Variants in COL4A3 observed in about 807,000 individuals in gnomAD.
COL4A3 encodes collagen alpha-3(IV) chain.
In COL4A3, 135 loss-of-function variants were observed where a neutral mutation model predicts 217.4. The observed-to-expected ratio is 0.62, with a 90% confidence interval of 0.54 to 0.72. The LOEUF (loss-of-function observed/expected upper bound fraction) is 0.72, where lower values mean the gene tolerates loss of function less well. COL4A3 is among the 30% of genes least tolerant of loss of function. COL4A3 has a pLI of 0.00. For missense variants in COL4A3, 1,868 were observed against 2,119.9 expected (o/e 0.88, Z 2.33); for synonymous variants, 690 against 736.3 (o/e 0.94, Z 1.02).
At chr2:227,264,244 G>C (rs574858851) in intron 21 of COL4A3, among the ~76,000 whole-genome samples, 311 of 152,298 alleles carry the variant, frequency 2.0e-3, no homozygotes, top group Non-Finnish European at 3.4e-3. Flanking sequence ...AATTGCAACT[G>C]CCTGTTCAGC....
intron 47 of COL4A3, among the ~76,000 whole-genome samples, chr2:227,306,059 G>T (rs1048628843): frequency 5.3e-5 from 8 of 152,334 alleles, no homozygotes; most frequent in African/African-American, 1.7e-4. Context: ...GCACAGTAGA[G>T]TGCTATTAAT....
chr2:227,219,952 G>A (rs902421918), intron 1 of COL4A3, among the ~76,000 whole-genome samples: 8 of 151,918 alleles, frequency 5.3e-5, no homozygotes, highest in African/African-American at 1.5e-4. Flanking sequence ...ATACCATCTC[G>A]ACCTGTAGGA....
intron 9 of COL4A3, among the ~76,000 whole-genome samples, chr2:227,249,230 A>ATATATTTTTTT: frequency 2.7e-4 from 4 of 14,690 alleles, no homozygotes; most frequent in Non-Finnish European, 5.0e-4. Context: ...ATATATATAT[A>ATATATTTTTTT]TTTTTTTTTT....
chr2:227,295,334 C>T lies in COL4A3; in HGVS notation c.3565+18C>T. On this transcript the variant is annotated intron_variant, in intron 41 of 51. Transcript: ENST00000396578. The stretch of plus-strand genomic sequence containing the variant: ...TGCTCAAGGTAAGCAGTTCTTCTTC[C>T]CTGTCCTAATGTACACATTTTCAAG... The T allele has an allele frequency of 6.2e-7, 1 of 1,612,416 alleles. No homozygotes were observed. The highest frequency in any genetic ancestry group is 8.5e-7 in the Non-Finnish European group (1 of 1,178,426).
chr2:227,267,209 TTTCAAAAAC>T (rs1239526479), intron 23 of COL4A3, 121 bp downstream of exon 23: 1 of 741,210 alleles, frequency 1.3e-6, no homozygotes, highest in Non-Finnish European at 2.4e-6. Flanking sequence ...GGAGGGAGAG[TTTCAAAAAC>T]ATATATTCTA....
At chr2:227,209,139 A>G (rs2067216841) in intron 1 of COL4A3, among the ~76,000 whole-genome samples, 1 of 152,248 alleles carries the variant, frequency 6.6e-6, no homozygotes, top group African/African-American at 2.4e-5. Context: ...CCATGGTCAT[A>G]CATCACCAGC....
intron 1 of COL4A3, among the ~76,000 whole-genome samples, chr2:227,207,448 T>C (rs2067143628): frequency 6.6e-6 from 1 of 152,202 alleles, no homozygotes; most frequent in African/African-American, 2.4e-5. Flanking sequence ...GCCCACTGCT[T>C]GCAGAGTCCA....
At chr2:227,249,709 C>CA (rs1422008240) in intron 9 of COL4A3, among the ~76,000 whole-genome samples, 2 of 152,092 alleles carry the variant, frequency 1.3e-5, no homozygotes, top group South Asian at 4.1e-4. Flanking sequence ...CAGAATGATG[C>CA]AATTAGGAGC....
chr2:227,173,093 C>G (rs2065550772), intron 1 of COL4A3, among the ~76,000 whole-genome samples: 1 of 152,094 alleles, frequency 6.6e-6, no homozygotes, highest in African/African-American at 2.4e-5. Context: ...TAAAGAAGGC[C>G]TTAAAACTCT....
intron 1 of COL4A3, among the ~76,000 whole-genome samples, chr2:227,178,448 C>G (rs1020568366): frequency 6.6e-6 from 1 of 152,084 alleles, no homozygotes; most frequent in African/African-American, 2.4e-5. Context: ...TACTCTCCGA[C>G]GTTTATTAAA....
At chr2:227,213,670 G>A (rs1376197086) in intron 1 of COL4A3, among the ~76,000 whole-genome samples, 2 of 152,086 alleles carry the variant, frequency 1.3e-5, no homozygotes, top group Non-Finnish European at 2.9e-5. Flanking sequence ...TTGGGAGGCC[G>A]AGGTAGGCGG....
At chr2:227,197,857 G>A (rs957703821) in intron 1 of COL4A3, among the ~76,000 whole-genome samples, 11 of 152,206 alleles carry the variant, frequency 7.2e-5, no homozygotes, top group Admixed American at 1.3e-4. Flanking sequence ...CACTGACAAG[G>A]AAATGGCAGA....
chr2:227,197,368 C>T (rs371672029), intron 1 of COL4A3, among the ~76,000 whole-genome samples: 3 of 152,196 alleles, frequency 2.0e-5, no homozygotes, highest in South Asian at 2.1e-4. Context: ...CAGGTGTGTA[C>T]CATCGAGTAT....
At chr2:227,192,508 G>A (rs2066283645) in intron 1 of COL4A3, among the ~76,000 whole-genome samples, 1 of 152,110 alleles carries the variant, frequency 6.6e-6, no homozygotes, top group Admixed American at 6.5e-5. Flanking sequence ...ATACATAAAT[G>A]TGAACCCCTG....
intron 49 of COL4A3, 63 bp downstream of exon 49, chr2:227,309,139 T>A: frequency 6.2e-7 from 1 of 1,610,488 alleles, no homozygotes; most frequent in East Asian, 2.2e-5. Context: ...TGTAATGGAA[T>A]GAAAGGCAGC....
At chr2:227,224,628 G>A (rs560744241) in intron 1 of COL4A3, among the ~76,000 whole-genome samples, 4 of 152,124 alleles carry the variant, frequency 2.6e-5, no homozygotes, top group East Asian at 1.9e-4. Context: ...GGCGGCAGGC[G>A]CCTGTAATCC....
rs374679454 is a variant in COL4A3 at position 227,282,344 on chromosome 2, C to G, written c.2489-21C>G. On this transcript the variant is annotated intron_variant, in intron 31 of 51. Coordinates refer to ENST00000396578, the MANE Select transcript of COL4A3 (RefSeq NM_000091.5). The surrounding 1 kb of genome is among the most constrained non-coding windows in gnomAD (Gnocchi z 4.4). ...GAAAGCATTTGTGGGTTAATTAATT[C>G]ATTCATTTATTCGTACACAGGCAGA... The G allele has an allele frequency of 6.3e-7, 1 of 1,596,168 alleles. No individual in the cohort carries two copies. Among genetic ancestry groups the G allele is most frequent in the Non-Finnish European group, 8.6e-7 (1 of 1,168,420 alleles).
chr2:227,170,931 C>T (rs765959195), intron 1 of COL4A3, among the ~76,000 whole-genome samples: 3 of 152,054 alleles, frequency 2.0e-5, no homozygotes, highest in African/African-American at 2.4e-5. Flanking sequence ...TAGTCAGTCA[C>T]GGTAGCAAAT....
At chr2:227,277,767 A>G (rs1018805074) in intron 28 of COL4A3, among the ~76,000 whole-genome samples, 1 of 152,186 alleles carries the variant, frequency 6.6e-6, no homozygotes, top group African/African-American at 2.4e-5. Context: ...TGGGAGGCCA[A>G]GGCAGGCAGA....
Sources: allele counts gnomAD v4.1 joint callset (sites outside exome capture counted in the v4.1 genomes callset), GRCh38; gene constraint gnomAD v4.1.1; non-coding constraint Gnocchi (gnomAD v3.1); transcripts MANE v1.5; gene names NCBI Gene and HGNC (gene_info 2026-07-23, HGNC 2026-07-21).